COL23A1: variants seen among roughly 807,000 people sequenced by gnomAD.
COL23A1 encodes collagen type XXIII alpha 1 chain, also known as collagen alpha-1(XXIII) chain.
COL23A1 carries 97 observed loss-of-function variants against 99.3 expected under a neutral mutation model. The observed-to-expected ratio is 0.98, with a 90% CI of 0.83 to 1.16. The LOEUF (loss-of-function observed/expected upper bound fraction) is 1.16, where lower values mean the gene tolerates loss of function less well. COL23A1 is among the 50% of genes most tolerant of loss of function. The pLI, the probability that COL23A1 is intolerant of heterozygous loss-of-function variation, is 0.00. For synonymous variants in COL23A1, 320 were observed against 308.2 expected, an observed-to-expected ratio of 1.04 and a Z score of -0.40; for missense variants, 762 against 757.4, an observed-to-expected ratio of 1.01 and a Z score of -0.07.
At chr5:178,542,185 A>G (rs866482786) in intron 2 of COL23A1, among the ~76,000 whole-genome samples, 8 of 152,068 alleles carry the variant, frequency 5.3e-5, no homozygotes, top group African/African-American at 1.9e-4. Flanking sequence ...CACCACAACC[A>G]ACTAATTACA....
chr5:178,331,679 T>C (rs1220803300), intron 2 of COL23A1, among the ~76,000 whole-genome samples: 2 of 152,198 alleles, frequency 1.3e-5, no homozygotes, highest in Non-Finnish European at 2.9e-5. Flanking sequence ...GCGCCTGGCT[T>C]CTGGGTTACA....
chr5:178,464,133 C>T (rs567937054), intron 2 of COL23A1, among the ~76,000 whole-genome samples: 1 of 152,334 alleles, frequency 6.6e-6, no homozygotes, highest in East Asian at 1.9e-4. Context: ...ATCCGCGATA[C>T]CTTGTGGCCA....
At position 178,342,418 on chromosome 5, in the gene COL23A1, C is replaced by T. The variant is rs546145348; in HGVS notation, c.362-35499G>A. 5.3e-5 allele frequency among the ~76,000 whole-genome samples: 8 copies of T among 152,330 alleles called. 1 individual carries two copies. Among genetic ancestry groups the T allele is most frequent in the East Asian group, 1.9e-4 (1 of 5,188 alleles). On this transcript the variant is annotated intron_variant, in intron 2 of 28. Coordinates refer to ENST00000390654, the MANE Select transcript of COL23A1 (RefSeq NM_173465.4). ...TTCACCCACCTGGCCTTCACTCATC[C>T]GAAGGTGGCCTCACAGGCTGGCAGG...
intron 2 of COL23A1, among the ~76,000 whole-genome samples, chr5:178,551,768 G>T (rs899753682): frequency 2.6e-5 from 4 of 152,130 alleles, no homozygotes; most frequent in Admixed American, 6.5e-5. Context: ...CCCCCTCAGG[G>T]GCCCCTCTGT....
intron 2 of COL23A1, among the ~76,000 whole-genome samples, chr5:178,315,452 G>A (rs912136280): frequency 5.9e-5 from 9 of 152,344 alleles, no homozygotes; most frequent in Admixed American, 3.3e-4. Flanking sequence ...AAAACCCTGA[G>A]GCCCACAGGC....
At chr5:178,554,161 G>A (rs554560262) in intron 2 of COL23A1, among the ~76,000 whole-genome samples, 180 of 152,008 alleles carry the variant, frequency 1.2e-3, no homozygotes, top group African/African-American at 3.9e-3. Context: ...CTCTTGGTGT[G>A]TTTTATTTTT....
Position 178,239,169 on chromosome 5 carries a change from C to G in COL23A1, c.1592G>C (p.Gly531Ala). The change falls in exon 28 of 29, where the codon GGG becomes GCG. Residue 531 changes from glycine (G) to alanine (A), a missense_variant. By Grantham distance (60) the Gly-to-Ala change is moderately conservative. Coordinates refer to ENST00000390654, the MANE Select transcript of COL23A1 (RefSeq NM_173465.4). ...LDQPCPVGPD[G>A]LPVPGCWHK is the part of the protein sequence containing the mutation. Reference sequence around the variant, plus strand: ...ATGCCAGCAGCCAGGCACAGGCAGCCCGTCGGGGCCCTGGAAAGGAAGAAG... The same window carrying G: ...ATGCCAGCAGCCAGGCACAGGCAGCGCGTCGGGGCCCTGGAAAGGAAGAAG... The G allele has an allele frequency of 6.2e-7, 1 of 1,614,154 alleles. No homozygotes were observed. Among genetic ancestry groups the G allele is most frequent in the Non-Finnish European group, 8.5e-7 (1 of 1,180,010 alleles).
rs887624170 is a variant in COL23A1 at position 178,488,919 on chromosome 5, G to A, written c.361+71763C>T. On this transcript the variant is annotated intron_variant, in intron 2 of 28. Transcript: ENST00000390654. ...AACACAGGAGCAGTCGCTGAGCAGC[G>A]GTGCAAACACACCAGCTCTCCAACG... Among the ~76,000 whole-genome samples, 57 of 152,170 alleles carry A rather than the reference G, an allele frequency of 3.7e-4. 1 individual carries two copies. The highest frequency in any genetic ancestry group is 1.3e-3 in the African/African-American group (52 of 41,426).
At chr5:178,379,515 A>T (rs979791691) in intron 2 of COL23A1, among the ~76,000 whole-genome samples, 1 of 152,158 alleles carries the variant, frequency 6.6e-6, no homozygotes. Context: ...TACTTTTTGT[A>T]TTACTTTTGT....
At chr5:178,372,445 G>C (rs547718636) in intron 2 of COL23A1, among the ~76,000 whole-genome samples, 1 of 152,206 alleles carries the variant, frequency 6.6e-6, no homozygotes, top group African/African-American at 2.4e-5. Context: ...AAGGACAGAC[G>C]ATGCCAAAGG....
chr5:178,238,792 C>A, intron 28 of COL23A1, 92 bp from the exon 29 acceptor site: 1 of 1,529,170 alleles, frequency 6.5e-7, no homozygotes, highest in Non-Finnish European at 9.1e-7. Context: ...CGGTCCTGCC[C>A]ATTTCCTCCT....
chr5:178,270,164 C>T (rs1189428522), intron 6 of COL23A1, among the ~76,000 whole-genome samples, 173 bp downstream of exon 6: 1 of 152,192 alleles, frequency 6.6e-6, no homozygotes, highest in Non-Finnish European at 1.5e-5. Flanking sequence ...CCCTTGGTCA[C>T]CGTCAGCAGG....
At chr5:178,564,866 T>C (rs1427621281) in intron 1 of COL23A1, among the ~76,000 whole-genome samples, 1 of 152,236 alleles carries the variant, frequency 6.6e-6, no homozygotes, top group Non-Finnish European at 1.5e-5. Context: ...GATTTATTCC[T>C]GTAAAACGCT....
intron 2 of COL23A1, among the ~76,000 whole-genome samples, chr5:178,314,296 G>A (rs560423652): frequency 6.6e-6 from 1 of 152,258 alleles, no homozygotes; most frequent in South Asian, 2.1e-4. Context: ...GGGTCCTGCT[G>A]CTTGTGGGAA....
Position 178,330,726 on chromosome 5 carries a change from C to T in COL23A1, c.362-23807G>A, listed in dbSNP as rs552956611. Among the ~76,000 whole-genome samples the T allele has an allele frequency of 1.2e-4, 18 of 152,232 alleles. 1 individual carries two copies. The highest frequency in any genetic ancestry group is 6.2e-4 in the South Asian group (3 of 4,822). On this transcript the variant is annotated intron_variant, in intron 2 of 28. Transcript: ENST00000390654. ...GCCCTGTCTGATCTGTCCCTTGACACGTCTCTGTTCTCATTTCAGGTCCCT... is the reference window on the plus strand; with the variant it reads ...GCCCTGTCTGATCTGTCCCTTGACATGTCTCTGTTCTCATTTCAGGTCCCT...
At chr5:178,289,907 T>C (rs1757363575) in intron 4 of COL23A1, among the ~76,000 whole-genome samples, 1 of 152,178 alleles carries the variant, frequency 6.6e-6, no homozygotes, top group African/African-American at 2.4e-5. Flanking sequence ...ATGACTGATT[T>C]TTTCCCCCCA....
rs533567269 is a variant in COL23A1, at chr5:178,296,906, C to T, written c.407-6537G>A. On this transcript the variant is annotated intron_variant, in intron 3 of 28. Transcript: ENST00000390654. ...ATGCCAGCACCAGCGTCACAGCCTCCTAATCCGACTCCTCCTCCTGGGCAC... is the reference window on the plus strand; with the variant it reads ...ATGCCAGCACCAGCGTCACAGCCTCTTAATCCGACTCCTCCTCCTGGGCAC... Among the ~76,000 whole-genome samples the T allele has an allele frequency of 2.1e-3, 314 of 152,288 alleles. 1 individual carries two copies. The highest frequency in any genetic ancestry group is 6.9e-3 in the African/African-American group (287 of 41,548).
chr5:178,358,568 C>G (rs113779298), intron 2 of COL23A1, among the ~76,000 whole-genome samples: 2 of 125,764 alleles, frequency 1.6e-5, no homozygotes. Context: ...GTGTGTATGT[C>G]TAATGTGTAT....
At chr5:178,349,126 A>ATC (rs1348037128) in intron 2 of COL23A1, among the ~76,000 whole-genome samples, 1 of 152,338 alleles carries the variant, frequency 6.6e-6, no homozygotes, top group African/African-American at 2.4e-5. Context: ...AACTCGGATG[A>ATC]TTGATGCGGA....
Sources: gnomAD v4.1 joint callset for allele counts (sites outside exome capture counted in the v4.1 genomes callset) on GRCh38, gnomAD v4.1.1 for gene constraint, MANE v1.5 for transcripts, NCBI Gene and HGNC (gene_info 2026-07-23, HGNC 2026-07-21) for gene names.